Variants in ADGRA1 observed in about 807,000 individuals in gnomAD.
The protein encoded by ADGRA1 is G-protein coupled receptor 123.
In ADGRA1, 12 loss-of-function variants were observed where a neutral mutation model predicts 21.3. The observed-to-expected ratio is 0.56, with a 90% CI of 0.36 to 0.91. The LOEUF is 0.91. Among genes scored for constraint, ADGRA1 ranks in the 40% least tolerant of loss-of-function variants. The pLI is 0.01. For missense variants in ADGRA1, 790 were observed against 805.6 expected (o/e 0.98, Z 0.23); for synonymous variants, 385 against 368.8 (o/e 1.04, Z -0.50).
At chr10:133,123,539 TAGCTGGGGTTCACCGCAC>T (rs756434632) in intron 5 of ADGRA1, among the ~76,000 whole-genome samples, 5 of 152,204 alleles carry the variant, frequency 3.3e-5, no homozygotes, top group Non-Finnish European at 7.3e-5. Flanking sequence ...TAACTGTGTG[TAGCTGGGGTTCACCGCAC>T]AGCTGGGGCC....
At chr10:133,112,750 G>GTGT (rs1852076218) in intron 5 of ADGRA1, among the ~76,000 whole-genome samples, 4 of 146,646 alleles carry the variant, frequency 2.7e-5, no homozygotes, top group African/African-American at 5.1e-5. Context: ...TCTGCGGGCC[G>GTGT]CGTCGGTTAT....
intron 2 of ADGRA1, among the ~76,000 whole-genome samples, chr10:133,091,579 T>C (rs1046386006): frequency 6.6e-6 from 1 of 152,172 alleles, no homozygotes; most frequent in Non-Finnish European, 1.5e-5. Flanking sequence ...TTTCTGTGAG[T>C]AGGGTGGAGG....
intron 3 of ADGRA1, among the ~76,000 whole-genome samples, chr10:133,098,269 C>T (rs1851723638): frequency 6.6e-6 from 1 of 152,192 alleles, no homozygotes; most frequent in South Asian, 2.1e-4. Context: ...GACACCTGCT[C>T]AGAGGGACAC....
At chr10:133,093,963 C>T (rs1851645436) in intron 2 of ADGRA1, among the ~76,000 whole-genome samples, 1 of 152,256 alleles carries the variant, frequency 6.6e-6, no homozygotes, top group African/African-American at 2.4e-5. Context: ...AATTTGGAGA[C>T]AAGAAAAAGA....
intron 3 of ADGRA1, among the ~76,000 whole-genome samples, chr10:133,097,827 A>C (rs1851714472): frequency 6.6e-6 from 1 of 152,188 alleles, no homozygotes; most frequent in Non-Finnish European, 1.5e-5. Context: ...GGCCAGCTCC[A>C]GGCTCACAGA....
chr10:133,098,893 GTGT>G, intron 4 of ADGRA1, 130 bp downstream of exon 4: 1 of 1,269,462 alleles, frequency 7.9e-7, no homozygotes, highest in Non-Finnish European at 1.1e-6. Context: ...TGGCACATCG[GTGT>G]CTCGGCTTCA....
At chr10:133,116,542 A>G in intron 5 of ADGRA1, among the ~76,000 whole-genome samples, 1 of 148,004 alleles carries the variant, frequency 6.8e-6, no homozygotes, top group East Asian at 2.0e-4. Context: ...ACCACACCCA[A>G]GGCCGCCCAC....
At chr10:133,114,575 A>G (rs1210836888) in intron 5 of ADGRA1, among the ~76,000 whole-genome samples, 1 of 152,074 alleles carries the variant, frequency 6.6e-6, no homozygotes. Context: ...ATCCACCCTC[A>G]GAGGTTATCG....
intron 1 of ADGRA1, 200 bp from the exon 2 acceptor site, chr10:133,088,508 C>T (rs977979029): frequency 1.2e-4 from 26 of 220,478 alleles, no homozygotes; most frequent in Admixed American, 6.5e-4. Flanking sequence ...GGAGACGCAT[C>T]TGCCGCTGGC....
chr10:133,098,461 TC>T (rs1312934343), intron 3 of ADGRA1, among the ~76,000 whole-genome samples, 178 bp from the exon 4 acceptor site: 13 of 152,208 alleles, frequency 8.5e-5, no homozygotes, highest in African/African-American at 2.9e-4. Context: ...TGGCCGTCAC[TC>T]AGGGCAGACT....
At chr10:133,109,463 G>C (rs151154315) in intron 5 of ADGRA1, among the ~76,000 whole-genome samples, 70 of 152,188 alleles carry the variant, frequency 4.6e-4, no homozygotes, top group East Asian at 4.1e-3. Context: ...TTGCTGCTCA[G>C]CTGTGGCTCA....
At chr10:133,116,105 G>A (rs563167578) in intron 5 of ADGRA1, among the ~76,000 whole-genome samples, 43 of 141,542 alleles carry the variant, frequency 3.0e-4, no homozygotes, top group African/African-American at 9.9e-4. Flanking sequence ...GCCCACCCAC[G>A]CCGCTCTGCA....
chr10:133,112,426 A>G (rs375237760), intron 5 of ADGRA1, among the ~76,000 whole-genome samples: 15,013 of 91,630 alleles, frequency 0.16, 1,566 homozygotes, highest in East Asian at 0.48. Context: ...TCTGCGGGCC[A>G]TGTCGGTTAT....
intron 2 of ADGRA1, among the ~76,000 whole-genome samples, chr10:133,092,797 G>GGAAGGAAGGAAGGAAGGA: frequency 8.2e-6 from 1 of 121,946 alleles, no homozygotes; most frequent in Non-Finnish European, 1.6e-5. Context: ...AAGGAAGGAA[G>GGAAGGAAGGAAGGAAGGA]AGAGGGAGGG....
intron 5 of ADGRA1, among the ~76,000 whole-genome samples, chr10:133,117,606 G>A (rs147430894): frequency 4.6e-5 from 7 of 152,374 alleles, no homozygotes; most frequent in African/African-American, 9.6e-5. Flanking sequence ...GGCCGTGGAC[G>A]GCCAAGAGGA....
intron 5 of ADGRA1, among the ~76,000 whole-genome samples, chr10:133,120,395 A>T (rs1442938540): frequency 1.3e-5 from 2 of 152,096 alleles, no homozygotes; most frequent in Non-Finnish European, 2.9e-5. Context: ...ACAGAGCGAG[A>T]CTCTGTCTCA....
chr10:133,108,158 TG>T (rs977094234), intron 5 of ADGRA1, among the ~76,000 whole-genome samples: 1 of 152,214 alleles, frequency 6.6e-6, no homozygotes, highest in African/African-American at 2.4e-5. Flanking sequence ...CGAGCACACC[TG>T]GGAGTGTGCA....
At chr10:133,114,585 G>C (rs562946565) in intron 5 of ADGRA1, among the ~76,000 whole-genome samples, 2 of 152,250 alleles carry the variant, frequency 1.3e-5, no homozygotes, top group South Asian at 2.1e-4. Flanking sequence ...AGAGGTTATC[G>C]AATGCCGAGG....
At chr10:133,094,961 A>C (rs1219526883) in intron 2 of ADGRA1, among the ~76,000 whole-genome samples, 1 of 152,184 alleles carries the variant, frequency 6.6e-6, no homozygotes, top group Non-Finnish European at 1.5e-5. Flanking sequence ...AGCTGTTTGC[A>C]CGTGGCAGGA....
Sources: allele counts gnomAD v4.1 joint callset (sites outside exome capture counted in the v4.1 genomes callset), GRCh38; gene constraint gnomAD v4.1.1; transcripts MANE v1.5; gene names NCBI Gene and HGNC (gene_info 2026-07-23, HGNC 2026-07-21).